Variants in CLEC16A observed in about 807,000 individuals in gnomAD.
CLEC16A encodes the protein protein CLEC16A.
In CLEC16A, 51 loss-of-function variants were observed where a neutral mutation model predicts 109.5. That is an observed-to-expected ratio of 0.47 (90% CI 0.37 to 0.59). The LOEUF is 0.59. CLEC16A is among the 20% of genes least tolerant of loss of function. The probability of loss-of-function intolerance (pLI) is 0.00; values close to 1 mark genes in which losing one functional copy is unlikely to be tolerated. For synonymous variants in CLEC16A, 673 were observed against 564.2 expected, an observed-to-expected ratio of 1.19 and a Z score of -2.73; for missense variants, 1,339 against 1,394.0, an observed-to-expected ratio of 0.96 and a Z score of 0.63.
rs1174721046 is a variant in CLEC16A at position 11,179,450 on chromosome 16, A to T, written c.*760A>T. 1 of 152,228 alleles carries T rather than the reference A, an allele frequency of 6.6e-6. No homozygotes were observed. Among genetic ancestry groups the T allele is most frequent in the Non-Finnish European group, 1.5e-5 (1 of 68,048 alleles). The allele number at this position is 152,228 out of a possible 1,614,324, so 9.4% of individuals were successfully genotyped here. A position where few individuals can be genotyped will look rare whatever the true frequency, so the allele number is the denominator to read the frequency against. ...TACATGTATTCTCAGGTACACACAG[A>T]GCTGAGAGGGCTGAATGGTTTTCTG... On this transcript the variant is annotated 3_prime_UTR_variant, in exon 24 of 24. Transcript: ENST00000409790.
At chr16:10,971,776 A>G (rs1364587743) in intron 5 of CLEC16A, among the ~76,000 whole-genome samples, 1 of 152,190 alleles carries the variant, frequency 6.6e-6, no homozygotes, top group African/African-American at 2.4e-5. Flanking sequence ...TCTCCGCTGC[A>G]CTGACACAAA....
At chr16:10,979,082 C>T (rs968497479) in intron 8 of CLEC16A, among the ~76,000 whole-genome samples, 1 of 152,122 alleles carries the variant, frequency 6.6e-6, no homozygotes, top group Non-Finnish European at 1.5e-5. Flanking sequence ...GTGGGTCAGC[C>T]TCTCATCCGT....
intron 22 of CLEC16A, chr16:11,150,444 G>C (rs1013463513): frequency 6.6e-6 from 1 of 152,268 alleles, no homozygotes; most frequent in African/African-American, 2.4e-5. Flanking sequence ...CGTTTCTTTG[G>C]CTGAGTGATT....
At chr16:11,000,898 G>A (rs1478134875) in intron 10 of CLEC16A, among the ~76,000 whole-genome samples, 1 of 151,964 alleles carries the variant, frequency 6.6e-6, no homozygotes, top group Non-Finnish European at 1.5e-5. Context: ...GGTCGTTTGG[G>A]GTAAATTCAG....
At chr16:11,036,438 C>T (rs988789229) in intron 13 of CLEC16A, among the ~76,000 whole-genome samples, 1 of 152,192 alleles carries the variant, frequency 6.6e-6, no homozygotes, top group African/African-American at 2.4e-5. Context: ...AGCAGCTCGC[C>T]CCCTGAGAGG....
chr16:11,122,668 A>G (rs1368075748), intron 20 of CLEC16A, among the ~76,000 whole-genome samples: 1 of 152,118 alleles, frequency 6.6e-6, no homozygotes, highest in Non-Finnish European at 1.5e-5. Flanking sequence ...GCCTTTTCCA[A>G]TGTTGTCCCC....
intron 3 of CLEC16A, among the ~76,000 whole-genome samples, chr16:10,964,575 A>G (rs2042411116): frequency 1.3e-5 from 2 of 152,122 alleles, no homozygotes; most frequent in Non-Finnish European, 2.9e-5. Flanking sequence ...CAGATAGGAC[A>G]TGGCCATGGT....
chr16:11,127,175 T>C (rs1239042090), intron 22 of CLEC16A, among the ~76,000 whole-genome samples: 1 of 152,222 alleles, frequency 6.6e-6, no homozygotes, highest in Non-Finnish European at 1.5e-5. Context: ...GTCATGCATA[T>C]GTTTGTTTTT....
At chr16:11,152,801 T>A (rs1033857961) in intron 22 of CLEC16A, among the ~76,000 whole-genome samples, 2 of 152,192 alleles carry the variant, frequency 1.3e-5, no homozygotes, top group African/African-American at 2.4e-5. Flanking sequence ...AGCCTCCCTC[T>A]GACACTGCTC....
At chr16:11,160,051 G>A (rs996775180) in intron 22 of CLEC16A, among the ~76,000 whole-genome samples, 2 of 152,132 alleles carry the variant, frequency 1.3e-5, no homozygotes, top group Admixed American at 6.5e-5. Context: ...TTCCCTTTCA[G>A]CTCCCTAAAA....
chr16:11,137,264 C>T (rs1299521620), intron 22 of CLEC16A, among the ~76,000 whole-genome samples: 1 of 152,024 alleles, frequency 6.6e-6, no homozygotes, highest in Non-Finnish European at 1.5e-5. Flanking sequence ...ATAGGAGATG[C>T]CAAGGTGTGA....
intron 19 of CLEC16A, among the ~76,000 whole-genome samples, chr16:11,093,255 C>A (rs2050417592): frequency 1.3e-5 from 2 of 152,248 alleles, no homozygotes; most frequent in Admixed American, 1.3e-4. Context: ...CCCTTCCCTG[C>A]CATCCCTCAC....
chr16:11,114,276 A>G (rs1484530555), intron 19 of CLEC16A, among the ~76,000 whole-genome samples: 7 of 151,986 alleles, frequency 4.6e-5, no homozygotes, highest in Admixed American at 1.3e-4. Flanking sequence ...GGCCTCTTAA[A>G]TCATAGGGAT....
chr16:11,046,203 T>C (rs902064523), intron 16 of CLEC16A, among the ~76,000 whole-genome samples: 6 of 152,190 alleles, frequency 3.9e-5, no homozygotes, highest in Non-Finnish European at 8.8e-5. Context: ...AGGTAGGCAT[T>C]TTCCCAGAGG....
intron 19 of CLEC16A, among the ~76,000 whole-genome samples, chr16:11,118,937 A>T (rs568258483): frequency 1.2e-4 from 19 of 152,320 alleles, no homozygotes. Flanking sequence ...ATTGAAGATC[A>T]CTTGACTGTA....
At chr16:11,096,533 A>G (rs1042756244) in intron 19 of CLEC16A, among the ~76,000 whole-genome samples, 2 of 152,206 alleles carry the variant, frequency 1.3e-5, no homozygotes, top group Admixed American at 1.3e-4. Context: ...AGTATTATCT[A>G]TTCACTGTAG....
At chr16:10,965,039 T>C (rs972779080) in intron 3 of CLEC16A, among the ~76,000 whole-genome samples, 3 of 152,174 alleles carry the variant, frequency 2.0e-5, no homozygotes, top group African/African-American at 4.8e-5. Context: ...CGTCTCCCCA[T>C]TTCCCTCCTC....
At chr16:10,968,209 C>T (rs2042606382) in intron 3 of CLEC16A, among the ~76,000 whole-genome samples, 1 of 152,226 alleles carries the variant, frequency 6.6e-6, no homozygotes, top group Non-Finnish European at 1.5e-5. Context: ...CTGGCAAGGG[C>T]CCAACACTGA....
At chr16:11,133,813 G>A (rs1423733527) in intron 22 of CLEC16A, among the ~76,000 whole-genome samples, 1 of 152,166 alleles carries the variant, frequency 6.6e-6, no homozygotes, top group Non-Finnish European at 1.5e-5. Flanking sequence ...CACACAGGAA[G>A]AAGGACCTGG....
Sources: allele counts gnomAD v4.1 joint callset (sites outside exome capture counted in the v4.1 genomes callset), GRCh38; gene constraint gnomAD v4.1.1; transcripts MANE v1.5; gene names NCBI Gene and HGNC (gene_info 2026-07-23, HGNC 2026-07-21).